Variants in TACC2 observed in about 807,000 individuals in gnomAD.
TACC2 encodes transforming acidic coiled-coil containing protein 2.
TACC2 carries 137 observed loss-of-function variants against 227.3 expected under a neutral mutation model. That is an observed-to-expected ratio of 0.60 (90% CI 0.52 to 0.69). TACC2 has a LOEUF of 0.69. Ranked by LOEUF, TACC2 falls within the 30% of genes least tolerant of loss-of-function variation. The pLI is 0.00. For synonymous variants in TACC2, 1,523 were observed against 1,487.5 expected (o/e 1.02, Z -0.55); for missense variants, 3,470 against 3,694.4 (o/e 0.94, Z 1.57).
At chr10:122,032,343 C>T (rs1959086923) in intron 2 of TACC2, among the ~76,000 whole-genome samples, 1 of 152,176 alleles carries the variant, frequency 6.6e-6, no homozygotes, top group Non-Finnish European at 1.5e-5. Flanking sequence ...CCAGTGAGCA[C>T]ACTCCCCGTC....
chr10:122,021,840 C>A, intron 1 of TACC2, 97 bp from the exon 2 acceptor site: 2 of 686,908 alleles, frequency 2.9e-6, no homozygotes, highest in Non-Finnish European at 2.6e-6. Flanking sequence ...AAACATTTCC[C>A]ATCATCTGGC....
chr10:122,009,400 A>G (rs1414723550), intron 1 of TACC2, among the ~76,000 whole-genome samples: 1 of 152,108 alleles, frequency 6.6e-6, no homozygotes, highest in African/African-American at 2.4e-5. Flanking sequence ...GCTACTCGGG[A>G]GGCTGAGGCA....
chr10:122,100,709 A>G (rs2082038076), intron 5 of TACC2, among the ~76,000 whole-genome samples: 1 of 152,148 alleles, frequency 6.6e-6, no homozygotes, highest in Non-Finnish European at 1.5e-5. Context: ...TACAGGCATG[A>G]GCTATAGCGC....
chr10:122,085,920 C>T lies in TACC2; in HGVS notation c.3420C>T (p.Asp1140=), dbSNP rs1591828534. 6.2e-7 allele frequency: 1 copy of T among 1,613,192 alleles called. No individual in the cohort carries two copies. The part of the protein sequence containing the change: ...AETGGSAGAG[D]PGKQQAPEKP... ...CTGGTGGCAGCGCTGGTGCAGGAGACCCAGGAAAGCAGCAGGCTCCGGAGA... is the reference window on the plus strand; with the variant it reads ...CTGGTGGCAGCGCTGGTGCAGGAGATCCAGGAAAGCAGCAGGCTCCGGAGA... The change falls in exon 4 of 23, where the codon GAC becomes GAT. Residue 1140 remains aspartate, a synonymous_variant. Transcript: ENST00000369005.
intron 7 of TACC2, among the ~76,000 whole-genome samples, chr10:122,175,801 C>G (rs951986947): frequency 6.6e-6 from 1 of 152,146 alleles, no homozygotes; most frequent in Non-Finnish European, 1.5e-5. Flanking sequence ...TACAATAGCT[C>G]AACGCTTGTA....
intron 11 of TACC2, among the ~76,000 whole-genome samples, chr10:122,221,446 G>T (rs2095521643): frequency 6.6e-6 from 1 of 152,086 alleles, no homozygotes; most frequent in Non-Finnish European, 1.5e-5. Context: ...TCACCCAGTT[G>T]CCCTGTGTCC....
rs1249685038 is a variant in TACC2, at chr10:122,180,242, A to G, written c.5835-14798A>G. On this transcript the variant is annotated intron_variant, in intron 7 of 22. Transcript: ENST00000369005. The surrounding 1 kb of genome is among the most constrained non-coding windows in gnomAD (Gnocchi z 4.5). ...CTGCTTTGTTTTCTTAAATGGCCTG[A>G]AGCCCATTCCTTGAACCTGCCACCC... Among the ~76,000 whole-genome samples, 1 of 151,936 alleles carries G rather than the reference A, an allele frequency of 6.6e-6. No individual in the cohort carries two copies. The highest frequency in any genetic ancestry group is 2.4e-5 in the African/African-American group (1 of 41,338).
chr10:121,991,022 G>A (rs1254763125), intron 1 of TACC2, among the ~76,000 whole-genome samples: 1 of 152,120 alleles, frequency 6.6e-6, no homozygotes, highest in African/African-American at 2.4e-5. Context: ...CTGACCTCAA[G>A]TGATCCACCT....
Position 121,989,222 on chromosome 10 carries a change from C to A in TACC2, c.-312C>A, listed in dbSNP as rs1320093803. 6.6e-6 allele frequency: 1 copy of A among 152,288 alleles called. No individual in the cohort carries two copies. The highest frequency in any genetic ancestry group is 1.5e-5 in the Non-Finnish European group (1 of 68,068). The allele number at this position is 152,288 out of a possible 1,614,324, so 9.4% of individuals were successfully genotyped here. Reference sequence around the variant, plus strand: ...GAGAGAAGAAACGCAAATCCCAGAACCGTGCCAACATATAAAACCCCACAT... The same window carrying A: ...GAGAGAAGAAACGCAAATCCCAGAAACGTGCCAACATATAAAACCCCACAT... On this transcript the variant is annotated 5_prime_UTR_variant, in exon 1 of 23. Coordinates refer to ENST00000369005, the MANE Select transcript of TACC2 (RefSeq NM_206862.4).
chr10:122,012,413 C>T (rs1382174722), intron 1 of TACC2, among the ~76,000 whole-genome samples: 55 of 41,716 alleles, frequency 1.3e-3, no homozygotes, highest in African/African-American at 5.4e-3. Context: ...AGCAAGACTC[C>T]GTCTCAAAAA....
chr10:122,086,935 G>A lies in TACC2; in HGVS notation c.4435G>A (p.Ala1479Thr). 1 of 1,613,952 alleles carries A rather than the reference G, an allele frequency of 6.2e-7. No individual in the cohort carries two copies. Among genetic ancestry groups the A allele is most frequent in the Non-Finnish European group, 8.5e-7 (1 of 1,180,040 alleles). Residue 1479 changes from alanine (A) to threonine (T), a missense_variant, in exon 4 of 23, where the codon GCT becomes ACT. This residue lies in a region of TACC2 where 1,924 missense variants were observed against 1,978.3 expected (regional missense o/e 0.97). Transcript: ENST00000369005. ...RLQVEKKQQL[A>T]GEAEISHLAL... ...CCAGGTGGAGAAGAAGCAACAGTTGGCTGGAGAGGCTGAGATTTCCCATCT... is the reference window on the plus strand; with the variant it reads ...CCAGGTGGAGAAGAAGCAACAGTTGACTGGAGAGGCTGAGATTTCCCATCT...
chr10:121,993,344 G>A (rs1241800015), intron 1 of TACC2, among the ~76,000 whole-genome samples: 1 of 152,158 alleles, frequency 6.6e-6, no homozygotes, highest in African/African-American at 2.4e-5. Context: ...TATTTCCGAT[G>A]AAAATTAGAT....
At chr10:122,003,498 CT>C (rs1320235091) in intron 1 of TACC2, among the ~76,000 whole-genome samples, 1 of 152,100 alleles carries the variant, frequency 6.6e-6, no homozygotes, top group Non-Finnish European at 1.5e-5. Context: ...ATAAAACTGC[CT>C]TTGAAAAGGT....
rs57646732 is a variant in TACC2, at chr10:122,147,685, A to G, written c.5834+3979A>G. ...ATTTTATTCTTTGGGTTATAACCCA[A>G]TACTACGTTATTTCATTGCTCCAAT... On this transcript the variant is annotated intron_variant, in intron 7 of 22. Coordinates refer to ENST00000369005, the MANE Select transcript of TACC2 (RefSeq NM_206862.4). 3.4e-3 allele frequency among the ~76,000 whole-genome samples: 514 copies of G among 152,360 alleles called. 3 individuals are homozygous for G. The highest frequency in any genetic ancestry group is 0.012 in the African/African-American group (479 of 41,580).
At chr10:122,233,395 G>C (rs1183370751) in intron 16 of TACC2, among the ~76,000 whole-genome samples, 2 of 152,166 alleles carry the variant, frequency 1.3e-5, no homozygotes, top group Non-Finnish European at 2.9e-5. Flanking sequence ...GATGTGTCTG[G>C]GTTCCTTAGG....
At chr10:122,071,862 G>A (rs1347730653) in intron 3 of TACC2, among the ~76,000 whole-genome samples, 2 of 147,514 alleles carry the variant, frequency 1.4e-5, no homozygotes. Context: ...ACTCCAGCCT[G>A]GGCAACAGAG....
In TACC2 at chr10:122,085,565, A is replaced by G. The variant is rs762808866; in HGVS notation, c.3065A>G (p.Asp1022Gly). 1.2e-6 allele frequency: 2 copies of G among 1,613,272 alleles called. No individual in the cohort carries two copies. The highest frequency in any genetic ancestry group is 2.2e-5 in the East Asian group (1 of 44,860). ...CATCCAGGAGCTTCTGAAGCAGCTG[A>G]TGGTTGTTCCCCACTCTGGGGCTTG... Reference protein sequence around the residue: ...QRHPGASEAADGCSPLWGLSK... With the variant: ...QRHPGASEAAGGCSPLWGLSK... The change falls in exon 4 of 23, where the codon GAT becomes GGT. Residue 1022 changes from aspartate (D) to glycine (G), a missense_variant. Around this residue, in one of 10 missense-constraint regions of TACC2, gnomAD observed 1,924 missense variants for 1,978.3 expected, o/e 0.97. Coordinates refer to ENST00000369005, the MANE Select transcript of TACC2 (RefSeq NM_206862.4).
intron 19 of TACC2, among the ~76,000 whole-genome samples, chr10:122,243,083 A>G (rs1188694061): frequency 6.6e-6 from 1 of 152,168 alleles, no homozygotes; most frequent in Non-Finnish European, 1.5e-5. Context: ...AGCTGGGATT[A>G]TAGGCATCTG....
Position 122,142,201 on chromosome 10 carries a change from T to C in TACC2, c.5700-1371T>C, listed in dbSNP as rs376698629. 2.7e-4 allele frequency among the ~76,000 whole-genome samples: 41 copies of C among 152,356 alleles called. 1 individual carries two copies. The highest frequency in any genetic ancestry group is 9.6e-4 in the African/African-American group (40 of 41,580). On this transcript the variant is annotated intron_variant, in intron 6 of 22. Coordinates refer to ENST00000369005, the MANE Select transcript of TACC2 (RefSeq NM_206862.4). ...TTATTTCTTGGGCTCTGTTTTCCTCTGTGGAGCCCCGAGGGAGCAGGCAGC... is the reference window on the plus strand; with the variant it reads ...TTATTTCTTGGGCTCTGTTTTCCTCCGTGGAGCCCCGAGGGAGCAGGCAGC...
Sources: gnomAD v4.1 joint callset for allele counts (sites outside exome capture counted in the v4.1 genomes callset) on GRCh38, gnomAD v4.1.1 for gene constraint, gnomAD v4.1.1 regional missense constraint, Gnocchi (gnomAD v3.1) non-coding constraint, MANE v1.5 for transcripts, NCBI Gene and HGNC (gene_info 2026-07-23, HGNC 2026-07-21) for gene names.